Variants in RPL36A observed in about 807,000 individuals in gnomAD.
RPL36A encodes the protein ribosomal protein L36a, also known as large ribosomal subunit protein eL42.
For synonymous variants in RPL36A, 25 were observed against 28.5 expected (o/e 0.88, Z 0.39); for missense variants, 20 against 81.0 (o/e 0.25, Z 2.89).
At chrX:101,392,185 T>C in intron 3 of RPL36A, 1 of 988,816 alleles carries the variant, frequency 1.0e-6, no homozygotes, top group Non-Finnish European at 1.3e-6. Context: ...TAAGAATTGT[T>C]CTGTTGTTTC....
intron 3 of RPL36A, among the ~76,000 whole-genome samples, chrX:101,394,339 A>C: frequency 9.2e-6 from 1 of 108,524 alleles, no homozygotes. Context: ...AAAAAAAAAG[A>C]ACAATAAAAA....
At chrX:101,395,228 C>T in intron 3 of RPL36A, 107 bp from the exon 4 acceptor site, 1 of 905,926 alleles carries the variant, frequency 1.1e-6, no homozygotes. Flanking sequence ...AGTTGCCCCA[C>T]TATTCATTTG....
rs782671537 is a variant in RPL36A, at chrX:101,391,515, C to T, written c.60C>T (p.Pro20=). The change falls in exon 2 of 5, where the codon CCC becomes CCT. Residue 20 remains proline (P), a synonymous_variant. Transcript: ENST00000553110. ...TFCKKCGKHQ[P]HKVTQYKKGK... is the part of the protein sequence containing the mutation. ...GTAAGAAGTGTGGCAAGCACCAACC[C>T]CATAAAGTGACACAGTACAAGAAGG... The T allele has an allele frequency of 8.3e-7, 1 of 1,211,699 alleles. No individual in the cohort carries two copies. The highest frequency in any genetic ancestry group is 3.0e-5 in the East Asian group (1 of 33,856).
chrX:101,393,456 CTTAG>C (rs1927901197), intron 3 of RPL36A: 1 of 112,107 alleles, frequency 8.9e-6, no homozygotes, highest in Admixed American at 9.5e-5. Context: ...AAGTCAATAA[CTTAG>C]TTACATATTT....
chrX:101,392,395 A>C (rs1019717991), intron 3 of RPL36A: 1 of 802,266 alleles, frequency 1.2e-6, no homozygotes, highest in Non-Finnish European at 1.5e-6. Context: ...CATTCTCTCC[A>C]ACACAGCATT....
intron 3 of RPL36A, among the ~76,000 whole-genome samples, chrX:101,394,775 A>C (rs12006570): frequency 1.2e-5 from 1 of 81,655 alleles, no homozygotes; most frequent in Non-Finnish European, 2.2e-5. Flanking sequence ...TTATATATAT[A>C]ATATATATAT....
intron 1 of RPL36A, 28 bp downstream of exon 1, chrX:101,391,074 A>G (rs782098920): frequency 1.3e-5 from 16 of 1,194,436 alleles, no homozygotes; most frequent in Non-Finnish European, 1.7e-5. Context: ...GGGCCGAGTA[A>G]CATCCAGCTT....
chrX:101,393,485 G>A (rs1927902251), intron 3 of RPL36A: 1 of 112,282 alleles, frequency 8.9e-6, no homozygotes, highest in South Asian at 3.7e-4. Context: ...ATAACTTAGA[G>A]TGTAATTGGA....
chrX:101,394,786 A>ATG (rs1190756302), intron 3 of RPL36A, among the ~76,000 whole-genome samples: 132 of 72,117 alleles, frequency 1.8e-3, no homozygotes, highest in African/African-American at 0.012. Context: ...ATATATATAT[A>ATG]TATATTTTTT....
At chrX:101,392,538 A>G in intron 3 of RPL36A, 1 of 754,919 alleles carries the variant, frequency 1.3e-6, no homozygotes, top group African/African-American at 2.3e-5. Flanking sequence ...ACCTTTTCAC[A>G]TTCGGATAAC....
chrX:101,395,658 CAG>C (rs1927998110), intron 4 of RPL36A, 68 bp from the exon 5 acceptor site: 15 of 1,151,186 alleles, frequency 1.3e-5, no homozygotes, highest in Non-Finnish European at 1.8e-5. Flanking sequence ...ATTTTAGGAA[CAG>C]ATAATGTTCT....
chrX:101,395,775 A>C lies in RPL36A; in HGVS notation c.*27A>C. ...TGTCATCTTTTATTATGAAGACAAT[A>C]AAATCTTGAGTTTATGTTCACTTCA... On this transcript the variant is annotated 3_prime_UTR_variant, in exon 5 of 5. Transcript: ENST00000553110. The C allele has an allele frequency of 8.5e-7, 1 of 1,176,580 alleles. No individual in the cohort carries two copies. Among genetic ancestry groups the C allele is most frequent in the East Asian group, 3.0e-5 (1 of 33,623 alleles).
At position 101,391,738 on chromosome X, in the gene RPL36A, C is replaced by A. The variant is rs781946083; in HGVS notation, c.110-17C>A. 5.0e-6 allele frequency: 6 copies of A among 1,210,347 alleles called. No homozygotes were observed. Among genetic ancestry groups the A allele is most frequent in the South Asian group, 3.5e-5 (2 of 56,650 alleles). ...GATCTTCAGTATTTTATAACAAATA[C>A]CAATTCGTTTTCCCAGGAAAGCGGC... is the stretch of plus-strand genomic sequence containing the variant. On this transcript the variant is annotated splice_polypyrimidine_tract_variant and intron_variant, in intron 2 of 4. Coordinates refer to ENST00000553110, the MANE Select transcript of RPL36A (RefSeq NM_021029.6).
intron 3 of RPL36A, 141 bp downstream of exon 3, chrX:101,391,963 G>A: frequency 8.5e-7 from 1 of 1,180,123 alleles, no homozygotes; most frequent in Non-Finnish European, 1.1e-6. Context: ...AGTAGGTGAT[G>A]GAGCTGGGAA....
rs1555984175 is a variant in RPL36A, at chrX:101,395,370, G to A, written c.213G>A (p.Glu71=). 5 of 1,205,593 alleles carry A rather than the reference G, an allele frequency of 4.1e-6. No homozygotes were observed. Among genetic ancestry groups the A allele is most frequent in the Non-Finnish European group, 5.6e-6 (5 of 893,940 alleles). ...KTTKKIVLRL[E]CVEPNCRSKR... ...CAAAGAAGATTGTGCTAAGGCTTGA[G>A]TGCGTTGAGCCCAACTGCAGATCTA... is the stretch of plus-strand genomic sequence containing the variant. Residue 71 remains glutamate, a synonymous_variant, in exon 4 of 5, where the codon GAG becomes GAA. Coordinates refer to ENST00000553110, the MANE Select transcript of RPL36A (RefSeq NM_021029.6).
chrX:101,391,981 C>T, intron 3 of RPL36A, 159 bp downstream of exon 3: 1 of 1,172,842 alleles, frequency 8.5e-7, no homozygotes, highest in Non-Finnish European at 1.1e-6. Flanking sequence ...GAATGCAACT[C>T]ATGTCTGACT....
intron 3 of RPL36A, chrX:101,392,427 G>T (rs1927843686): frequency 2.5e-6 from 2 of 789,289 alleles, no homozygotes; most frequent in Non-Finnish European, 3.0e-6. Flanking sequence ...TTTGCTTCTT[G>T]TGCAGTTTAG....
chrX:101,391,067 C>T, intron 1 of RPL36A, 21 bp downstream of exon 1: 1 of 1,199,076 alleles, frequency 8.3e-7, no homozygotes, highest in Non-Finnish European at 1.1e-6. Context: ...CTGGTGGGGG[C>T]CGAGTAACAT....
chrX:101,392,652 GTA>G (rs1555983626), intron 3 of RPL36A: 3 of 748,994 alleles, frequency 4.0e-6, no homozygotes, highest in Non-Finnish European at 4.7e-6. Flanking sequence ...AGGAAATTGA[GTA>G]TTTAAAAGTT....
Sources: allele counts gnomAD v4.1 joint callset (sites outside exome capture counted in the v4.1 genomes callset), GRCh38; gene constraint gnomAD v4.1.1; transcripts MANE v1.5; gene names NCBI Gene and HGNC (gene_info 2026-07-23, HGNC 2026-07-21).